The following ATP10A variants were observed in gnomAD, a reference collection of about 807,000 sequenced individuals.
ATP10A encodes the protein phospholipid-transporting ATPase VA.
ATP10A carries 111 observed loss-of-function variants against 147.8 expected under a neutral mutation model. That is an observed-to-expected ratio of 0.75 (90% CI 0.64 to 0.88). The LOEUF (loss-of-function observed/expected upper bound fraction) is 0.88. Ranked by LOEUF, ATP10A falls within the 40% of genes least tolerant of loss-of-function variation. The probability of loss-of-function intolerance (pLI) is 0.00; values close to 1 mark genes in which losing one functional copy is unlikely to be tolerated. For missense variants in ATP10A, 1,927 were observed against 1,959.0 expected (o/e 0.98, Z 0.31); for synonymous variants, 875 against 841.6 (o/e 1.04, Z -0.69).
intron 5 of ATP10A, among the ~76,000 whole-genome samples, chr15:25,725,322 G>A (rs1359665139): frequency 3.3e-5 from 5 of 152,104 alleles, no homozygotes; most frequent in African/African-American, 9.7e-5. Context: ...AAAAGGTTGG[G>A]GACTGCTGAT....
chr15:25,689,539 C>T (rs1899896417), intron 15 of ATP10A, among the ~76,000 whole-genome samples: 1 of 152,194 alleles, frequency 6.6e-6, no homozygotes, highest in African/African-American at 2.4e-5. Context: ...GCTCATCTCT[C>T]AAAGGGCTCA....
At chr15:25,747,334 T>A (rs184942162) in intron 2 of ATP10A, among the ~76,000 whole-genome samples, 2 of 150,356 alleles carry the variant, frequency 1.3e-5, no homozygotes, top group East Asian at 3.9e-4. Flanking sequence ...TTGTACTACG[T>A]ATCAAAGATT....
At chr15:25,853,608 T>C (rs1455566252) in intron 1 of ATP10A, among the ~76,000 whole-genome samples, 1 of 152,006 alleles carries the variant, frequency 6.6e-6, no homozygotes, top group Non-Finnish European at 1.5e-5. Flanking sequence ...TACCAACACG[T>C]CGGGAAGGAA....
intron 1 of ATP10A, among the ~76,000 whole-genome samples, chr15:25,784,209 A>G (rs138719705): frequency 1.6e-4 from 25 of 152,300 alleles, no homozygotes; most frequent in African/African-American, 5.1e-4. Context: ...GCTCAGTCAC[A>G]GTTTGCTCTC....
chr15:25,812,614 T>C (rs1365186090), intron 1 of ATP10A, among the ~76,000 whole-genome samples: 2 of 152,194 alleles, frequency 1.3e-5, no homozygotes, highest in Non-Finnish European at 2.9e-5. Context: ...AAAATACTCA[T>C]TTTGTTCTAC....
At chr15:25,844,985 G>C (rs1892954259) in intron 1 of ATP10A, among the ~76,000 whole-genome samples, 1 of 152,192 alleles carries the variant, frequency 6.6e-6, no homozygotes, top group African/African-American at 2.4e-5. Context: ...CATAGCAAAG[G>C]GATGAATGAA....
At chr15:25,701,820 C>T (rs1184633297) in intron 13 of ATP10A, 96 bp downstream of exon 13, 9 of 1,250,678 alleles carry the variant, frequency 7.2e-6, no homozygotes, top group African/African-American at 3.0e-5. Flanking sequence ...GTCCTTCTAA[C>T]AGCAGCTGCC....
rs569814823 is a variant in ATP10A at position 25,728,326 on chromosome 15, C to T, written c.741-1060G>A. Among the ~76,000 whole-genome samples, 67 of 152,312 alleles carry T rather than the reference C, an allele frequency of 4.4e-4. 1 individual carries two copies. The highest frequency in any genetic ancestry group is 1.6e-3 in the African/African-American group (66 of 41,580). On this transcript the variant is annotated intron_variant, in intron 3 of 20. Transcript: ENST00000555815. ...GCAAGCTGGGAGGATATATTTTCCA[C>T]AAGTCAGTTATTTACCAACAGCAAG...
intron 2 of ATP10A, among the ~76,000 whole-genome samples, chr15:25,737,841 G>T (rs972320747): frequency 6.6e-6 from 1 of 152,096 alleles, no homozygotes; most frequent in African/African-American, 2.4e-5. Flanking sequence ...GGAAAATCAG[G>T]ACGCAAAGAC....
intron 1 of ATP10A, among the ~76,000 whole-genome samples, chr15:25,807,015 G>C (rs12437518): frequency 0.54 from 81,938 of 152,108 alleles, 23,373 homozygotes; most frequent in East Asian, 0.8. Flanking sequence ...CCATCAAACG[G>C]AGGGGCATCC....
intron 10 of ATP10A, among the ~76,000 whole-genome samples, chr15:25,712,077 G>T (rs906657774): frequency 1.3e-5 from 2 of 152,182 alleles, no homozygotes; most frequent in African/African-American, 4.8e-5. Context: ...CTCTGGGAAG[G>T]TACCAGAAAA....
chr15:25,773,264 G>C (rs1027981995), intron 2 of ATP10A, among the ~76,000 whole-genome samples: 4 of 152,106 alleles, frequency 2.6e-5, no homozygotes, highest in African/African-American at 9.7e-5. Context: ...AGGAGCACTC[G>C]CAAACCGAAA....
At chr15:25,862,084 G>A in intron 1 of ATP10A, 2 of 327,802 alleles carry the variant, frequency 6.1e-6, no homozygotes, top group East Asian at 1.0e-4. Context: ...CTGGCTCGCG[G>A]CTCATGGCTC....
intron 1 of ATP10A, among the ~76,000 whole-genome samples, chr15:25,791,806 G>C (rs773179003): frequency 1.1e-3 from 162 of 152,154 alleles, no homozygotes; most frequent in Non-Finnish European, 1.2e-3. Context: ...TTTTCTCTAA[G>C]AGCCATGGTT....
At chr15:25,839,934 T>C (rs138478706) in intron 1 of ATP10A, among the ~76,000 whole-genome samples, 5,409 of 152,206 alleles carry the variant, frequency 0.036, 116 homozygotes, top group South Asian at 0.06. Context: ...TGCGTGTGTG[T>C]GCGCATGTGC....
intron 13 of ATP10A, 111 bp downstream of exon 13, chr15:25,701,805 G>A: frequency 9.2e-7 from 1 of 1,087,436 alleles, no homozygotes; most frequent in South Asian, 1.6e-5. Flanking sequence ...AATGCGGAGG[G>A]TGAGGTCCTT....
At chr15:25,747,520 A>G (rs1567352546) in intron 2 of ATP10A, among the ~76,000 whole-genome samples, 1 of 151,992 alleles carries the variant, frequency 6.6e-6, no homozygotes, top group Admixed American at 6.5e-5. Context: ...GGAAAAAAGT[A>G]TAAATTATAT....
intron 1 of ATP10A, among the ~76,000 whole-genome samples, chr15:25,814,854 G>A (rs1278994405): frequency 6.6e-6 from 1 of 152,176 alleles, no homozygotes; most frequent in Non-Finnish European, 1.5e-5. Flanking sequence ...CAGCCACATA[G>A]TCTGGTACTG....
At chr15:25,828,565 G>A (rs1567414413) in intron 1 of ATP10A, among the ~76,000 whole-genome samples, 1 of 152,050 alleles carries the variant, frequency 6.6e-6, no homozygotes, top group African/African-American at 2.4e-5. Flanking sequence ...GAAATCACAC[G>A]GAAATTAGGA....
Sources: gnomAD v4.1 joint callset for allele counts (sites outside exome capture counted in the v4.1 genomes callset) on GRCh38, gnomAD v4.1.1 for gene constraint, MANE v1.5 for transcripts, NCBI Gene and HGNC (gene_info 2026-07-23, HGNC 2026-07-21) for gene names.